CCDC172: variants seen among roughly 807,000 people sequenced by gnomAD.
CCDC172 encodes the protein coiled-coil domain containing 172.
A neutral mutation model predicts 38.0 loss-of-function variants in CCDC172; 30 were observed. The ratio of observed to expected loss-of-function variants is 0.79; its 90% CI spans 0.59 to 1.07. The LOEUF (loss-of-function observed/expected upper bound fraction) is 1.07. CCDC172 is among the 50% of genes least tolerant of loss of function. The pLI is 0.00. For missense variants in CCDC172, 297 were observed against 290.1 expected (o/e 1.02, Z -0.17); for synonymous variants, 78 against 88.3 (o/e 0.88, Z 0.66).
In CCDC172 at chr10:116,379,411, A is replaced by G; in HGVS notation, c.*53A>G. On this transcript the variant is annotated 3_prime_UTR_variant, in exon 9 of 9. Coordinates refer to ENST00000333254, the MANE Select transcript of CCDC172 (RefSeq NM_198515.3). ...GATTTGATCAGAATATCTGAGAATC[A>G]AATCTTTGTGATAGATATATGAATG... 7.7e-7 allele frequency: 1 copy of G among 1,297,226 alleles called. No individual in the cohort carries two copies. The highest frequency in any genetic ancestry group is 1.9e-4 in the Middle Eastern group (1 of 5,332). The allele number at this position is 1,297,226 out of a possible 1,614,324, so 80.4% of individuals were successfully genotyped here. A position where few individuals can be genotyped will look rare whatever the true frequency, so the allele number is the denominator to read the frequency against.
chr10:116,343,007 C>T (rs1035826863), intron 5 of CCDC172, among the ~76,000 whole-genome samples: 11 of 152,004 alleles, frequency 7.2e-5, no homozygotes, highest in Non-Finnish European at 1.6e-4. Context: ...TCGGGTAGTT[C>T]TTTATAGTAG....
intron 5 of CCDC172, among the ~76,000 whole-genome samples, chr10:116,346,152 C>A (rs542626938): frequency 6.6e-6 from 1 of 151,918 alleles, no homozygotes; most frequent in East Asian, 2.0e-4. Flanking sequence ...ATTAGCCGGG[C>A]GTGGTGTCGG....
chr10:116,357,881 T>TAA lies in CCDC172; in HGVS notation c.597_598insAA (p.Glu200LysfsTer6), dbSNP rs1845018663. On this transcript the variant is annotated frameshift_variant, in exon 7 of 9. Transcript: ENST00000333254. LOFTEE classifies it high-confidence loss of function. ...GAATCCATTTGTACTACCAAATATC[T>TAA]AGAGGCAGAAAAAATAAAAATCAGT... The TAA allele has an allele frequency of 6.4e-7, 1 of 1,572,660 alleles. No individual in the cohort carries two copies. Among genetic ancestry groups the TAA allele is most frequent in the African/African-American group, 1.4e-5 (1 of 72,456 alleles).
At chr10:116,330,466 G>A (rs1844646748) in intron 3 of CCDC172, among the ~76,000 whole-genome samples, 1 of 152,126 alleles carries the variant, frequency 6.6e-6, no homozygotes, top group Non-Finnish European at 1.5e-5. Context: ...TAGATAAAAG[G>A]TAGACTCAAA....
At chr10:116,333,100 G>GT (rs1269243586) in intron 3 of CCDC172, among the ~76,000 whole-genome samples, 1 of 151,992 alleles carries the variant, frequency 6.6e-6, no homozygotes, top group African/African-American at 2.4e-5. Context: ...TTTAAGAACA[G>GT]TAAGTAATTG....
rs149968886 is a variant in CCDC172 at position 116,345,421 on chromosome 10, T to G, written c.448+3220T>G. ...AACATAGGAGAAAATCTTTTCCATC[T>G]TGGAATAGGCAATGATTTCTTAGAT... On this transcript the variant is annotated intron_variant, in intron 5 of 8. Coordinates refer to ENST00000333254, the MANE Select transcript of CCDC172 (RefSeq NM_198515.3). Among the ~76,000 whole-genome samples the G allele has an allele frequency of 4.0e-3, 609 of 152,240 alleles. 1 individual carries two copies. The highest frequency in any genetic ancestry group is 0.014 in the African/African-American group (578 of 41,568).
chr10:116,342,102 A>C lies in CCDC172; in HGVS notation c.349A>C (p.Asn117His), dbSNP rs532636333. ...TATTAAGGAAATTACAGACTTTAAT[A>C]ATGATTATGAAATAACAAAGAAAAG... ...KFIKEITDFNNDYEITKKREL... is the reference protein window; with the variant it reads ...KFIKEITDFNHDYEITKKREL... Residue 117 changes from asparagine to histidine, a missense_variant, in exon 5 of 9, where the codon AAT becomes CAT. Asn to His is a moderately conservative substitution (Grantham distance 68). Transcript: ENST00000333254. 6.4e-7 allele frequency: 1 copy of C among 1,551,456 alleles called. No individual in the cohort carries two copies. The highest frequency in any genetic ancestry group is 1.4e-5 in the African/African-American group (1 of 70,380).
At chr10:116,374,130 G>C (rs893413702) in intron 7 of CCDC172, among the ~76,000 whole-genome samples, 3 of 152,048 alleles carry the variant, frequency 2.0e-5, no homozygotes, top group Non-Finnish European at 4.4e-5. Context: ...TAGTCATTTC[G>C]TAGCCATCTG....
At chr10:116,328,559 T>C (rs546585571) in intron 3 of CCDC172, among the ~76,000 whole-genome samples, 7 of 152,240 alleles carry the variant, frequency 4.6e-5, no homozygotes, top group African/African-American at 1.7e-4. Flanking sequence ...CATATTCCCT[T>C]AAGAGGGAGT....
intron 3 of CCDC172, among the ~76,000 whole-genome samples, chr10:116,335,284 T>C (rs1301323700): frequency 6.6e-6 from 1 of 152,044 alleles, no homozygotes; most frequent in Non-Finnish European, 1.5e-5. Flanking sequence ...TCGGAAACAC[T>C]GTCTTTATGA....
intron 3 of CCDC172, among the ~76,000 whole-genome samples, chr10:116,335,326 A>G (rs1484054564): frequency 6.6e-6 from 1 of 151,960 alleles, no homozygotes; most frequent in Non-Finnish European, 1.5e-5. Context: ...GTATATATCT[A>G]TACTTGTATC....
chr10:116,345,010 A>T (rs1565715730), intron 5 of CCDC172, among the ~76,000 whole-genome samples: 2 of 152,162 alleles, frequency 1.3e-5, no homozygotes, highest in Non-Finnish European at 2.9e-5. Flanking sequence ...TATGAGAACA[A>T]TGCCTTTGTA....
At chr10:116,358,917 C>G (rs570340571) in intron 7 of CCDC172, among the ~76,000 whole-genome samples, 3 of 152,148 alleles carry the variant, frequency 2.0e-5, no homozygotes, top group South Asian at 4.1e-4. Context: ...AGGTTTATCA[C>G]TCAGTCATAA....
chr10:116,372,868 A>G (rs1845202537), intron 7 of CCDC172, among the ~76,000 whole-genome samples: 1 of 152,216 alleles, frequency 6.6e-6, no homozygotes, highest in African/African-American at 2.4e-5. Flanking sequence ...AAACCAGAAG[A>G]CAAGGGAATG....
chr10:116,357,423 T>C lies in CCDC172; in HGVS notation c.492T>C (p.Leu164=). ...ATGATAGTAGCCAGTTAAATGAACT[T>C]CAAAAACAAAAGAGTGAATTGATAC... ...MEHDSSQLNE[L]QKQKSELIQE... is the part of the protein sequence containing the mutation. Residue 164 remains leucine, a synonymous_variant, in exon 6 of 9, where the codon CTT becomes CTC. Coordinates refer to ENST00000333254, the MANE Select transcript of CCDC172 (RefSeq NM_198515.3). The C allele has an allele frequency of 6.3e-7, 1 of 1,584,526 alleles. No homozygotes were observed. Among genetic ancestry groups the C allele is most frequent in the Non-Finnish European group, 8.6e-7 (1 of 1,167,960 alleles).
At chr10:116,345,067 A>G (rs1314979752) in intron 5 of CCDC172, among the ~76,000 whole-genome samples, 2 of 152,198 alleles carry the variant, frequency 1.3e-5, no homozygotes, top group Admixed American at 6.5e-5. Flanking sequence ...TTTAAAAAGA[A>G]TAAAATTTAA....
At chr10:116,349,703 G>A (rs1366899019) in intron 5 of CCDC172, among the ~76,000 whole-genome samples, 1 of 152,148 alleles carries the variant, frequency 6.6e-6, no homozygotes, top group African/African-American at 2.4e-5. Flanking sequence ...TGCACTTTTT[G>A]TGTATCAGGC....
At chr10:116,377,323 G>T (rs1243243539) in intron 7 of CCDC172, among the ~76,000 whole-genome samples, 4 of 151,822 alleles carry the variant, frequency 2.6e-5, no homozygotes, top group Non-Finnish European at 5.9e-5. Context: ...CCTATTTTTT[G>T]GGAAACTGGC....
chr10:116,371,354 T>G (rs777965662), intron 7 of CCDC172, among the ~76,000 whole-genome samples: 8 of 151,930 alleles, frequency 5.3e-5, no homozygotes, highest in Non-Finnish European at 1.0e-4. Context: ...TTAATGAATT[T>G]CTAATATTTA....
Sources: allele counts gnomAD v4.1 joint callset (sites outside exome capture counted in the v4.1 genomes callset), GRCh38; gene constraint gnomAD v4.1.1; transcripts MANE v1.5; gene names NCBI Gene and HGNC (gene_info 2026-07-23, HGNC 2026-07-21).